MYZAP: variants seen among roughly 807,000 people sequenced by gnomAD.
The protein encoded by MYZAP is GRINL1A complex locus upstream.
A neutral mutation model predicts 69.4 loss-of-function variants in MYZAP; 66 were observed. The observed-to-expected ratio is 0.95, with a 90% CI of 0.78 to 1.17. The LOEUF is 1.17. Among genes scored for constraint, MYZAP ranks in the 50% most tolerant of loss-of-function variants. The probability of loss-of-function intolerance (pLI) is 0.00; values close to 1 mark genes in which losing one functional copy is unlikely to be tolerated. For missense variants in MYZAP, 611 were observed against 556.2 expected, an observed-to-expected ratio of 1.10 and a Z score of -0.99; for synonymous variants, 256 against 205.9, an observed-to-expected ratio of 1.24 and a Z score of -2.09.
chr15:57,665,216 G>C (rs985700766), intron 11 of MYZAP, among the ~76,000 whole-genome samples: 2 of 152,230 alleles, frequency 1.3e-5, no homozygotes, highest in African/African-American at 2.4e-5. Context: ...GCAGGCCATA[G>C]GGCCCAGCAG....
At chr15:57,616,900 C>T (rs1332639725) in intron 2 of MYZAP, among the ~76,000 whole-genome samples, 1 of 129,736 alleles carries the variant, frequency 7.7e-6, no homozygotes, top group Non-Finnish European at 1.5e-5. Context: ...GTTAGCAGGA[C>T]AGCAGAATTA....
At chr15:57,636,834 A>G (rs1397960013) in intron 8 of MYZAP, among the ~76,000 whole-genome samples, 1 of 152,232 alleles carries the variant, frequency 6.6e-6, no homozygotes, top group African/African-American at 2.4e-5. Context: ...TATTGCTACC[A>G]TAGCAAATTT....
chr15:57,657,412 A>T (rs1475813556), intron 10 of MYZAP, among the ~76,000 whole-genome samples: 1 of 152,224 alleles, frequency 6.6e-6, no homozygotes, highest in East Asian at 1.9e-4. Flanking sequence ...ACACAAAACA[A>T]ACTTTAACCC....
chr15:57,677,142 A>C (rs2039181353), intron 12 of MYZAP, among the ~76,000 whole-genome samples: 1 of 152,188 alleles, frequency 6.6e-6, no homozygotes, highest in South Asian at 2.1e-4. Context: ...GCTTCTTGGA[A>C]CTGCCTTACT....
intron 1 of MYZAP, among the ~76,000 whole-genome samples, chr15:57,598,681 A>G (rs1195292436): frequency 6.6e-6 from 1 of 152,244 alleles, no homozygotes; most frequent in East Asian, 1.9e-4. Context: ...TCTTCTGACT[A>G]GAGCCAGTGC....
intron 3 of MYZAP, among the ~76,000 whole-genome samples, chr15:57,620,158 A>C (rs995565294): frequency 4.6e-5 from 7 of 152,156 alleles, no homozygotes; most frequent in African/African-American, 1.7e-4. Flanking sequence ...TCATTTTCCC[A>C]AAATGTTTGT....
Position 57,659,393 on chromosome 15 carries a change from A to AT in MYZAP, c.1120-2053dup, listed in dbSNP as rs545197283. Among the ~76,000 whole-genome samples the AT allele has an allele frequency of 2.2e-4, 34 of 152,276 alleles. 2 individuals carry two copies. In the East Asian group the frequency reaches 4.2e-3, roughly 19 times the overall value. The stretch of plus-strand genomic sequence containing the variant: ...CTCAGTAGATAGTGTAGAGATACAT[A>AT]TTTTACAAAAGAAAATAAAAATTAT... On this transcript the variant is annotated intron_variant, in intron 10 of 12. Transcript: ENST00000267853.
At chr15:57,651,095 G>A (rs1173042376) in intron 10 of MYZAP, among the ~76,000 whole-genome samples, 1 of 152,186 alleles carries the variant, frequency 6.6e-6, no homozygotes, top group African/African-American at 2.4e-5. Flanking sequence ...GGGGAGAGGA[G>A]CACGGAGGAC....
At chr15:57,599,958 A>G (rs571298617) in intron 1 of MYZAP, among the ~76,000 whole-genome samples, 1 of 152,196 alleles carries the variant, frequency 6.6e-6, no homozygotes, top group Non-Finnish European at 1.5e-5. Flanking sequence ...ATTTTCTCCC[A>G]GTCTTTGTTA....
intron 12 of MYZAP, among the ~76,000 whole-genome samples, chr15:57,678,618 T>A (rs76563290): frequency 6.6e-6 from 1 of 152,136 alleles, no homozygotes; most frequent in Non-Finnish European, 1.5e-5. Context: ...TCAGTATGCA[T>A]TGGGCTCTTC....
chr15:57,629,140 T>C (rs764243239), intron 5 of MYZAP, among the ~76,000 whole-genome samples: 5 of 151,098 alleles, frequency 3.3e-5, no homozygotes, highest in African/African-American at 7.3e-5. Flanking sequence ...ATCTCTATTC[T>C]ATAAAGCTCG....
intron 2 of MYZAP, among the ~76,000 whole-genome samples, chr15:57,614,458 T>A (rs2035305892): frequency 6.6e-6 from 1 of 152,014 alleles, no homozygotes; most frequent in South Asian, 2.1e-4. Flanking sequence ...ACCTCAGGGG[T>A]CTGAAGGGTC....
intron 6 of MYZAP, 138 bp from the exon 7 acceptor site, chr15:57,632,296 C>T (rs188662923): frequency 1.4e-6 from 2 of 1,397,770 alleles, no homozygotes; most frequent in East Asian, 2.3e-5. Flanking sequence ...CCTGTTAGGT[C>T]TTGCTGTGTC....
intron 2 of MYZAP, among the ~76,000 whole-genome samples, chr15:57,607,030 C>T (rs2034795891): frequency 6.6e-6 from 1 of 152,196 alleles, no homozygotes. Context: ...CTCACTGCTC[C>T]TCTCCCTGCC....
At chr15:57,654,321 GAC>G (rs1265274683) in intron 10 of MYZAP, among the ~76,000 whole-genome samples, 1 of 152,074 alleles carries the variant, frequency 6.6e-6, no homozygotes, top group East Asian at 1.9e-4. Flanking sequence ...TCCTAAGTGT[GAC>G]GTCAGTTTTA....
rs554798221 is a variant in MYZAP, at chr15:57,627,498, C to T, written c.525+1606C>T. 4.6e-5 allele frequency among the ~76,000 whole-genome samples: 7 copies of T among 151,928 alleles called. No individual in the cohort carries two copies. The East Asian group carries it at 7.8e-4, about 17-fold the overall frequency. ...CTGGTAGAGGAAGAGGGCTGATGCA[C>T]GGTGTTAGGCACTGATGCTGAGGAC... On this transcript the variant is annotated intron_variant, in intron 5 of 12. Coordinates refer to ENST00000267853, the MANE Select transcript of MYZAP (RefSeq NM_001018100.5).
intron 12 of MYZAP, among the ~76,000 whole-genome samples, chr15:57,679,296 A>G (rs1436807980): frequency 1.3e-5 from 2 of 150,738 alleles, no homozygotes; most frequent in African/African-American, 4.9e-5. Flanking sequence ...TATTTATTTA[A>G]TAAAGGCCTT....
At chr15:57,605,611 G>A (rs757262050) in intron 2 of MYZAP, among the ~76,000 whole-genome samples, 20 of 152,166 alleles carry the variant, frequency 1.3e-4, no homozygotes, top group Non-Finnish European at 1.3e-4. Context: ...TGATGCAAAT[G>A]ATGAATGCCA....
At chr15:57,614,054 A>G (rs2035279944) in intron 2 of MYZAP, among the ~76,000 whole-genome samples, 1 of 152,208 alleles carries the variant, frequency 6.6e-6, no homozygotes, top group African/African-American at 2.4e-5. Context: ...TATAAAAATG[A>G]TAGCCATCTA....
Sources: allele counts gnomAD v4.1 joint callset (sites outside exome capture counted in the v4.1 genomes callset), GRCh38; gene constraint gnomAD v4.1.1; transcripts MANE v1.5; gene names NCBI Gene and HGNC (gene_info 2026-07-23, HGNC 2026-07-21).